Variants in SLC2A14 observed in about 807,000 individuals in gnomAD.
SLC2A14 encodes the protein solute carrier family 2 member 14, also known as solute carrier family 2, facilitated glucose transporter member 14.
In SLC2A14, 13 loss-of-function variants were observed where a neutral mutation model predicts 43.0. That is an observed-to-expected ratio of 0.30 (90% CI 0.20 to 0.48). SLC2A14 has a LOEUF of 0.48. Among genes scored for constraint, SLC2A14 ranks in the 20% least tolerant of loss-of-function variants. SLC2A14 has a pLI of 0.99. For synonymous variants in SLC2A14, 190 were observed against 233.8 expected (o/e 0.81, Z 1.71); for missense variants, 428 against 620.4 (o/e 0.69, Z 3.29).
At chr12:7,890,566 G>A (rs1394131699) in intron 1 of SLC2A14, among the ~76,000 whole-genome samples, 2 of 151,994 alleles carry the variant, frequency 1.3e-5, no homozygotes, top group South Asian at 2.1e-4. Flanking sequence ...ATTTTAACAC[G>A]CCCTTATGCC....
Position 7,885,217 on chromosome 12 carries a change from A to C in SLC2A14, c.132+5779T>G, listed in dbSNP as rs182321473. On this transcript the variant is annotated intron_variant, in intron 1 of 9. Transcript: ENST00000539924. ...CAGGTGTGGTGGCTCACGCCTGTAC[A>C]GCATTTCGGGAGGCCGAGGCGGGCA... Among the ~76,000 whole-genome samples, 300 of 152,318 alleles carry C rather than the reference A, an allele frequency of 2.0e-3. 1 individual carries two copies. Among genetic ancestry groups the C allele is most frequent in the African/African-American group, 6.4e-3 (265 of 41,568 alleles).
chr12:7,826,839 T>TTCCA (rs1864403295), intron 7 of SLC2A14, among the ~76,000 whole-genome samples: 3 of 8,528 alleles, frequency 3.5e-4, no homozygotes, highest in Non-Finnish European at 1.4e-3. Flanking sequence ...CTTTCTTTCC[T>TTCCA]TCCTTCCTTC....
At chr12:7,855,286 G>C (rs77160493) in intron 2 of SLC2A14, among the ~76,000 whole-genome samples, 3,149 of 152,100 alleles carry the variant, frequency 0.021, 116 homozygotes, top group African/African-American at 0.069. Context: ...TAAAACAAAA[G>C]CATGCTTCCT....
At chr12:7,885,699 C>CA (rs1322127931) in intron 1 of SLC2A14, among the ~76,000 whole-genome samples, 1 of 151,852 alleles carries the variant, frequency 6.6e-6, no homozygotes, top group African/African-American at 2.4e-5. Flanking sequence ...AAACAAAAAT[C>CA]AGAGATTCAT....
intron 1 of SLC2A14, among the ~76,000 whole-genome samples, chr12:7,880,753 TC>T (rs1945555518): frequency 1.4e-5 from 2 of 146,458 alleles, no homozygotes; most frequent in African/African-American, 2.5e-5. Context: ...ATGCTTGTAA[TC>T]CCTGCACTTT....
intron 2 of SLC2A14, among the ~76,000 whole-genome samples, chr12:7,838,899 T>C (rs754522803): frequency 2.0e-5 from 3 of 152,050 alleles, no homozygotes; most frequent in East Asian, 1.9e-4. Context: ...TCTAGTCCAA[T>C]AGGACAGGTG....
At chr12:7,826,857 T>TTCCTTCCTTCCTTCCTTC (rs1491266594) in intron 7 of SLC2A14, among the ~76,000 whole-genome samples, 1 of 75,088 alleles carries the variant, frequency 1.3e-5, no homozygotes, top group Admixed American at 1.4e-4. Flanking sequence ...TTCCTTCCTT[T>TTCCTTCCTTCCTTCCTTC]CTTTTTTCTT....
chr12:7,874,742 T>TACATAA (rs1565584389), upstream of SLC2A14, among the ~76,000 whole-genome samples: 5 of 82,372 alleles, frequency 6.1e-5, no homozygotes, highest in Non-Finnish European at 1.2e-4. Flanking sequence ...TATATAAAAA[T>TACATAA]ATATATAAAT....
At chr12:7,853,744 A>C (rs762598822) in intron 2 of SLC2A14, among the ~76,000 whole-genome samples, 4 of 152,328 alleles carry the variant, frequency 2.6e-5, no homozygotes, top group African/African-American at 9.6e-5. Flanking sequence ...CTTATATGGC[A>C]TATGACCAAC....
intron 2 of SLC2A14, among the ~76,000 whole-genome samples, chr12:7,865,834 C>A (rs1055562743): frequency 1.3e-5 from 2 of 152,118 alleles, no homozygotes; most frequent in Non-Finnish European, 2.9e-5. Context: ...AAAAGCAAGG[C>A]CTGTTGCACC....
chr12:7,873,295 A>C, upstream of SLC2A14: 1 of 985,560 alleles, frequency 1.0e-6, no homozygotes, highest in Middle Eastern at 5.2e-4. Context: ...TGCCCGGGCT[A>C]TCCCCGCGGG....
At chr12:7,861,882 A>G (rs984276619) in intron 2 of SLC2A14, among the ~76,000 whole-genome samples, 4 of 151,842 alleles carry the variant, frequency 2.6e-5, no homozygotes, top group African/African-American at 4.8e-5. Context: ...GAAATGCTGG[A>G]ACCCGGGAGG....
Position 7,871,046 on chromosome 12 carries a change from A to T in SLC2A14, c.-57-1109T>A, listed in dbSNP as rs1592315341. On this transcript the variant is annotated intron_variant, in intron 1 of 10. Transcript: ENST00000431042. Reference sequence around the variant, plus strand: ...GACAAGCTGGCTTCACCGCGGAAGAACCCCATGGATGAATACCTGCAGGGC... The same window carrying T: ...GACAAGCTGGCTTCACCGCGGAAGATCCCCATGGATGAATACCTGCAGGGC... The T allele has an allele frequency of 1.9e-5, 27 of 1,417,460 alleles. 2 individuals are homozygous for T. The South Asian group carries it at 3.1e-4, about 17-fold the overall frequency. 87.8% of individuals were successfully genotyped at this position (1,417,460 alleles called of 1,614,324 possible).
intron 1 of SLC2A14, among the ~76,000 whole-genome samples, chr12:7,887,161 C>T (rs1945701544): frequency 6.6e-6 from 1 of 152,086 alleles, no homozygotes; most frequent in South Asian, 2.1e-4. Context: ...ATCCACCAAC[C>T]TCAGCCTCCC....
At chr12:7,824,504 C>A (rs1488709626) in intron 7 of SLC2A14, among the ~76,000 whole-genome samples, 1 of 151,682 alleles carries the variant, frequency 6.6e-6, no homozygotes, top group African/African-American at 2.4e-5. Context: ...GAGGCATAGG[C>A]GGGCAGATCA....
intron 2 of SLC2A14, among the ~76,000 whole-genome samples, chr12:7,845,888 T>C (rs771463481): frequency 2.6e-5 from 4 of 151,546 alleles, no homozygotes; most frequent in Non-Finnish European, 4.4e-5. Flanking sequence ...TCTGAGGAGT[T>C]TGAGACCAGT....
chr12:7,878,976 CAAAAAAAAAAAA>C (rs58838986), intron 1 of SLC2A14, among the ~76,000 whole-genome samples: 2 of 69,332 alleles, frequency 2.9e-5, no homozygotes, highest in African/African-American at 5.6e-5. Flanking sequence ...GAGTCCGTCT[CAAAAAAAAAAAA>C]AAAAAAAAAA....
Position 7,831,620 on chromosome 12 carries a change from CAA to C in SLC2A14, c.254_255del (p.Phe85CysfsTer2). On this transcript the variant is annotated frameshift_variant, in exon 4 of 11. Transcript: ENST00000431042. LOFTEE classifies it high-confidence loss of function. ...AGTCAATACCTGCCAAAGCGGTTAA[CAA>C]AGAGTCCGACGGAAAAGGAGCCGAT... ...GMIGSFSVGL[F>X]VNRFGRRNSM... 6.2e-7 allele frequency: 1 copy of C among 1,614,162 alleles called. No homozygotes were observed. Among genetic ancestry groups the C allele is most frequent in the Non-Finnish European group, 8.5e-7 (1 of 1,180,048 alleles).
intron 1 of SLC2A14, among the ~76,000 whole-genome samples, chr12:7,884,121 C>A (rs1161855236): frequency 6.6e-6 from 1 of 151,720 alleles, no homozygotes; most frequent in African/African-American, 2.4e-5. Flanking sequence ...AACGGGGTTT[C>A]ACCATGTTAG....
Sources: allele counts gnomAD v4.1 joint callset (sites outside exome capture counted in the v4.1 genomes callset), GRCh38; gene constraint gnomAD v4.1.1; transcripts MANE v1.5; gene names NCBI Gene and HGNC (gene_info 2026-07-23, HGNC 2026-07-21).